CLVS1: variants seen among roughly 807,000 people sequenced by gnomAD.
CLVS1 encodes the protein clavesin-1.
In CLVS1, 10 loss-of-function variants were observed where a neutral mutation model predicts 33.1. That is an observed-to-expected ratio of 0.30 (90% CI 0.19 to 0.51). The LOEUF (loss-of-function observed/expected upper bound fraction) is 0.51. Among genes scored for constraint, CLVS1 ranks in the 20% least tolerant of loss-of-function variants. CLVS1 has a pLI of 0.97. For synonymous variants in CLVS1, 163 were observed against 166.1 expected (o/e 0.98, Z 0.14); for missense variants, 343 against 433.4 (o/e 0.79, Z 1.85).
intron 2 of CLVS1, among the ~76,000 whole-genome samples, chr8:61,334,385 G>T (rs1261861734): frequency 1.3e-5 from 2 of 152,214 alleles, no homozygotes; most frequent in African/African-American, 4.8e-5. Flanking sequence ...AATTTGGAGG[G>T]TCTGTGTCTG....
At chr8:61,057,366 TC>T (rs1804492507) in intron 1 of CLVS1, 2 of 139,862 alleles carry the variant, frequency 1.4e-5, no homozygotes, top group African/African-American at 5.3e-5. Flanking sequence ...TTAGCACACT[TC>T]ACACACACAC....
chr8:61,024,975 G>A, the CLVS1 span, among the ~76,000 whole-genome samples: 53 of 151,942 alleles, frequency 3.5e-4, no homozygotes, highest in African/African-American at 1.3e-3. Flanking sequence ...ATCCTCCTGA[G>A]TAGCTGGGAT....
chr8:60,992,271 C>T, the CLVS1 span, among the ~76,000 whole-genome samples: 5 of 152,172 alleles, frequency 3.3e-5, no homozygotes, highest in Admixed American at 1.3e-4. Flanking sequence ...AGTTATGTCT[C>T]GTTTTTTTTC....
chr8:61,411,948 G>A (rs751444831), intron 3 of CLVS1, among the ~76,000 whole-genome samples: 24 of 152,354 alleles, frequency 1.6e-4, no homozygotes, highest in Non-Finnish European at 2.6e-4. Flanking sequence ...CTGTGAGGGT[G>A]GAGGTGGGCC....
At chr8:61,258,813 A>T (rs569728988) in intron 2 of CLVS1, among the ~76,000 whole-genome samples, 1 of 152,328 alleles carries the variant, frequency 6.6e-6, no homozygotes, top group East Asian at 1.9e-4. Flanking sequence ...AATTAACATA[A>T]TTAACATTCT....
chr8:61,485,287 T>C (rs62526503), intron 5 of CLVS1, among the ~76,000 whole-genome samples: 86,045 of 151,954 alleles, frequency 0.57, 27,906 homozygotes, highest in Non-Finnish European at 0.72. Context: ...GGACAAAGGA[T>C]ATGAACAGAC....
intron 3 of CLVS1, among the ~76,000 whole-genome samples, chr8:61,412,378 A>G (rs528765832): frequency 1.3e-5 from 2 of 152,294 alleles, no homozygotes; most frequent in African/African-American, 4.8e-5. Context: ...AAAACAAATG[A>G]CCACATGTTG....
At chr8:61,460,986 A>G (rs140830882) in intron 5 of CLVS1, among the ~76,000 whole-genome samples, 1 of 152,236 alleles carries the variant, frequency 6.6e-6, no homozygotes, top group Admixed American at 6.5e-5. Context: ...TTTGAGCACA[A>G]TGGTTTTGGC....
intron 2 of CLVS1, among the ~76,000 whole-genome samples, chr8:61,155,468 T>G (rs1012821986): frequency 6.6e-6 from 1 of 152,216 alleles, no homozygotes; most frequent in Non-Finnish European, 1.5e-5. Context: ...CCTCTTATGC[T>G]TTGGGATAAA....
At chr8:61,220,603 G>T (rs146056031) in intron 2 of CLVS1, among the ~76,000 whole-genome samples, 89 of 150,182 alleles carry the variant, frequency 5.9e-4, no homozygotes, top group African/African-American at 1.8e-3. Flanking sequence ...GATGCCTTCA[G>T]CTTGGTTCTT....
intron 3 of CLVS1, among the ~76,000 whole-genome samples, chr8:61,380,160 A>T (rs1813813437): frequency 6.6e-6 from 1 of 152,314 alleles, no homozygotes; most frequent in East Asian, 1.9e-4. Context: ...AGTGGATGTG[A>T]TTCTAGGTAC....
In CLVS1 at chr8:61,501,039, T is replaced by TAA. The variant is rs1329000187; in HGVS notation, c.*1499_*1500dup. Reference sequence around the variant, plus strand: ...TTTTTATATTATACACTTGGAGAAATAAAGTTGAAACAGAATTAAAAATAT... The same window carrying TAA: ...TTTTTATATTATACACTTGGAGAAATAAAAAGTTGAAACAGAATTAAAAATAT... On this transcript the variant is annotated 3_prime_UTR_variant, in exon 6 of 6. Coordinates refer to ENST00000325897, the MANE Select transcript of CLVS1 (RefSeq NM_173519.3). The TAA allele has an allele frequency of 2.0e-5, 3 of 152,108 alleles. No individual in the cohort carries two copies. Among genetic ancestry groups the TAA allele is most frequent in the African/African-American group, 4.8e-5 (2 of 41,428 alleles). The allele number at this position is 152,108 out of a possible 1,614,324, so 9.4% of individuals were successfully genotyped here.
At chr8:61,116,992 C>G (rs1805737304) in intron 1 of CLVS1, among the ~76,000 whole-genome samples, 1 of 143,358 alleles carries the variant, frequency 7.0e-6, no homozygotes, top group African/African-American at 2.7e-5. Flanking sequence ...ATTGATTCTT[C>G]CTACCCATGA....
intron 2 of CLVS1, among the ~76,000 whole-genome samples, chr8:61,153,731 T>C (rs1165937685): frequency 6.6e-6 from 1 of 152,068 alleles, no homozygotes; most frequent in Non-Finnish European, 1.5e-5. Flanking sequence ...CTAGAAACTC[T>C]GTGCCCTGCT....
At chr8:61,011,884 CTG>C in the CLVS1 span, among the ~76,000 whole-genome samples, 1 of 152,204 alleles carries the variant, frequency 6.6e-6, no homozygotes, top group South Asian at 2.1e-4. Context: ...AAAGCAGTGA[CTG>C]TGTTTGAGTG....
chr8:61,292,976 A>G (rs1440194219), intron 1 of CLVS1, among the ~76,000 whole-genome samples: 1 of 152,128 alleles, frequency 6.6e-6, no homozygotes, highest in Non-Finnish European at 1.5e-5. Context: ...TTTGGTTACA[A>G]AAGTTTTCAG....
chr8:61,158,279 C>A (rs1163262726), intron 2 of CLVS1, among the ~76,000 whole-genome samples: 1 of 152,026 alleles, frequency 6.6e-6, no homozygotes, highest in Non-Finnish European at 1.5e-5. Context: ...AACAATGTTC[C>A]ACGGTGATGA....
rs1455540116 is a variant in CLVS1 at position 61,118,524 on chromosome 8, C to T, written c.-242-13246C>T. Among the ~76,000 whole-genome samples the T allele has an allele frequency of 3.8e-3, 576 of 150,096 alleles. 2 individuals carry two copies. Among genetic ancestry groups the T allele is most frequent in the African/African-American group, 0.012 (500 of 40,130 alleles). On this transcript the variant is annotated intron_variant, in intron 1 of 2. Transcript: ENST00000522621. ...GTGGGCATTTAGTGCTATAAATTTCCCTCTACACACTGCTTTGAATGCGTC... is the reference window on the plus strand; with the variant it reads ...GTGGGCATTTAGTGCTATAAATTTCTCTCTACACACTGCTTTGAATGCGTC...
the CLVS1 span, among the ~76,000 whole-genome samples, chr8:60,968,032 G>A: frequency 6.6e-6 from 1 of 152,208 alleles, no homozygotes; most frequent in South Asian, 2.1e-4. Flanking sequence ...TCAAATTCTC[G>A]GGCCCAAGCG....
Sources: gnomAD v4.1 joint callset for allele counts (sites outside exome capture counted in the v4.1 genomes callset) on GRCh38, gnomAD v4.1.1 for gene constraint, MANE v1.5 for transcripts, NCBI Gene and HGNC (gene_info 2026-07-23, HGNC 2026-07-21) for gene names.